The following PPP2R5C variants were observed in gnomAD, a reference collection of about 807,000 sequenced individuals.
PPP2R5C encodes protein phosphatase 2 regulatory subunit B'gamma, also known as serine/threonine-protein phosphatase 2A 56 kDa regulatory subunit gamma isoform.
A neutral mutation model predicts 68.9 loss-of-function variants in PPP2R5C; 7 were observed. That is an observed-to-expected ratio of 0.10 (90% CI 0.06 to 0.19). The LOEUF (loss-of-function observed/expected upper bound fraction) is 0.19. Ranked by LOEUF, PPP2R5C falls within the 10% of genes least tolerant of loss-of-function variation. The pLI is 1.00. For missense variants in PPP2R5C, 348 were observed against 641.3 expected (o/e 0.54, Z 4.94); for synonymous variants, 210 against 222.2 (o/e 0.95, Z 0.49).
At chr14:101,789,614 A>C (rs2038271083) in intron 3 of PPP2R5C, 1 of 152,182 alleles carries the variant, frequency 6.6e-6, no homozygotes, top group Admixed American at 6.5e-5. Context: ...TTGCTTCCGT[A>C]TTTACTACAT....
At chr14:101,925,856 T>C (rs1566978784) in exon 14 of PPP2R5C, 1 of 152,662 alleles carries the variant, frequency 6.6e-6, no homozygotes, top group Non-Finnish European at 1.5e-5. Flanking sequence ...TCTCTTCACT[T>C]TGATGAGTGA....
At chr14:101,873,191 T>C (rs895089762) in intron 2 of PPP2R5C, among the ~76,000 whole-genome samples, 1 of 152,238 alleles carries the variant, frequency 6.6e-6, no homozygotes, top group Admixed American at 6.5e-5. Flanking sequence ...ACTGTATTCA[T>C]GTCCTTGTCT....
chr14:101,774,701 A>G (rs2037328263), intron 2 of PPP2R5C, among the ~76,000 whole-genome samples: 1 of 152,036 alleles, frequency 6.6e-6, no homozygotes, highest in Admixed American at 6.6e-5. Flanking sequence ...CTTCACTCTC[A>G]CTTGTAAGGC....
chr14:101,873,726 G>A (rs951806621), intron 2 of PPP2R5C, among the ~76,000 whole-genome samples: 2 of 152,148 alleles, frequency 1.3e-5, no homozygotes, highest in Admixed American at 1.3e-4. Context: ...GTGTGCAGCT[G>A]TCTCCCCTGT....
intron 2 of PPP2R5C, among the ~76,000 whole-genome samples, chr14:101,778,115 G>A (rs1487742800): frequency 6.6e-6 from 1 of 152,194 alleles, no homozygotes; most frequent in African/African-American, 2.4e-5. Flanking sequence ...AGGTATCCCA[G>A]CAGGTGTGAA....
rs1487198793 is a variant in PPP2R5C, at chr14:101,825,821, G to A, written c.94+15785G>A. Among the ~76,000 whole-genome samples the A allele has an allele frequency of 6.6e-6, 1 of 152,160 alleles. No individual in the cohort carries two copies. On this transcript the variant is annotated intron_variant, in intron 1 of 13. Coordinates refer to ENST00000334743, the Ensembl canonical transcript of PPP2R5C. This position sits in a 1 kb window ranked among gnomAD's most constrained non-coding sequence, Gnocchi z 4.0. Reference sequence around the variant, plus strand: ...TATCAGAAACTTCTGGGGCAGTAAGGGAAATTTAAGAAGGAAGTTGGGGAA... The same window carrying A: ...TATCAGAAACTTCTGGGGCAGTAAGAGAAATTTAAGAAGGAAGTTGGGGAA...
At chr14:101,918,400 C>T (rs1429702639) in intron 13 of PPP2R5C, among the ~76,000 whole-genome samples, 1 of 117,758 alleles carries the variant, frequency 8.5e-6, no homozygotes, top group Non-Finnish European at 1.8e-5. Flanking sequence ...ACCCCCTTGC[C>T]CCTCCCCCCT....
At chr14:101,788,372 T>G (rs2038215921) in intron 3 of PPP2R5C, among the ~76,000 whole-genome samples, 1 of 152,260 alleles carries the variant, frequency 6.6e-6, no homozygotes, top group African/African-American at 2.4e-5. Context: ...TGAACCATCT[T>G]TGCATTTGTC....
chr14:101,816,881 T>TTA (rs112532945), intron 1 of PPP2R5C, among the ~76,000 whole-genome samples: 32 of 136,722 alleles, frequency 2.3e-4, no homozygotes, highest in South Asian at 4.3e-4. Flanking sequence ...TATATATATA[T>TTA]TATATATATA....
chr14:101,779,737 G>A (rs2037586991), intron 2 of PPP2R5C, among the ~76,000 whole-genome samples: 1 of 152,036 alleles, frequency 6.6e-6, no homozygotes, highest in African/African-American at 2.4e-5. Context: ...CTTGTGAGCA[G>A]GGGAATGGTC....
At chr14:101,878,971 C>G (rs1322582539) in intron 2 of PPP2R5C, among the ~76,000 whole-genome samples, 1 of 152,226 alleles carries the variant, frequency 6.6e-6, no homozygotes, top group Non-Finnish European at 1.5e-5. Context: ...ATCACACTTT[C>G]CTGTGCCTAA....
intron 2 of PPP2R5C, among the ~76,000 whole-genome samples, chr14:101,867,820 T>C (rs1215930041): frequency 6.6e-6 from 1 of 152,176 alleles, no homozygotes. Context: ...AAAAACAAGC[T>C]ATCCGTATGT....
At chr14:101,807,077 C>T (rs1042880351), upstream of PPP2R5C, among the ~76,000 whole-genome samples, 1 of 152,122 alleles carries the variant, frequency 6.6e-6, no homozygotes, top group Non-Finnish European at 1.5e-5. Context: ...TTCACTTTCC[C>T]TTTCTTCTAA....
chr14:101,778,334 C>A (rs1164682396), intron 2 of PPP2R5C, among the ~76,000 whole-genome samples: 1 of 152,108 alleles, frequency 6.6e-6, no homozygotes, highest in East Asian at 1.9e-4. Context: ...ATATAATTTG[C>A]AAATATGTTC....
At chr14:101,876,409 G>A (rs1746590) in intron 2 of PPP2R5C, among the ~76,000 whole-genome samples, 49,576 of 151,234 alleles carry the variant, frequency 0.33, 10,576 homozygotes, top group African/African-American at 0.61. Flanking sequence ...AAGTTAGACT[G>A]TCAGCGGTTT....
chr14:101,790,865 G>C (rs899688901), intron 3 of PPP2R5C, among the ~76,000 whole-genome samples: 4 of 152,240 alleles, frequency 2.6e-5, no homozygotes, highest in Non-Finnish European at 5.9e-5. Context: ...CGGATCATGA[G>C]GTCAGGAGAT....
At chr14:101,824,198 T>G in intron 1 of PPP2R5C, 3 of 1,234,258 alleles carry the variant, frequency 2.4e-6, no homozygotes, top group Non-Finnish European at 3.1e-6. Flanking sequence ...TTGGTAAAGA[T>G]TCTTAATGAG....
chr14:101,820,264 T>C (rs2039969116), intron 1 of PPP2R5C: 1 of 152,218 alleles, frequency 6.6e-6, no homozygotes, highest in South Asian at 2.1e-4. Flanking sequence ...ATTTGAACTT[T>C]GGAGAACTTT....
intron 1 of PPP2R5C, among the ~76,000 whole-genome samples, chr14:101,828,208 G>C (rs958422305): frequency 6.6e-6 from 1 of 152,120 alleles, no homozygotes; most frequent in Non-Finnish European, 1.5e-5. Context: ...CATAGAGACA[G>C]AAAGCAGATT....
Sources: gnomAD v4.1 joint callset for allele counts (sites outside exome capture counted in the v4.1 genomes callset) on GRCh38, gnomAD v4.1.1 for gene constraint, Gnocchi (gnomAD v3.1) non-coding constraint, MANE v1.5 for transcripts, NCBI Gene and HGNC (gene_info 2026-07-23, HGNC 2026-07-21) for gene names.